ZNF423: variants seen among roughly 807,000 people sequenced by gnomAD.
The protein encoded by ZNF423 is zinc finger protein 423.
Under a neutral mutation model 95.8 loss-of-function variants are expected in ZNF423, and 12 were observed. The observed-to-expected ratio is 0.13, with a 90% CI of 0.08 to 0.20. ZNF423 has a LOEUF of 0.20. Among genes scored for constraint, ZNF423 ranks in the 10% least tolerant of loss-of-function variants. ZNF423 has a pLI of 1.00. For missense variants in ZNF423, 1,316 were observed against 1,737.1 expected, an observed-to-expected ratio of 0.76 and a Z score of 4.31; for synonymous variants, 749 against 711.9, an observed-to-expected ratio of 1.05 and a Z score of -0.83.
intron 3 of ZNF423, among the ~76,000 whole-genome samples, chr16:49,665,805 T>C (rs1357965664): frequency 5.3e-5 from 8 of 152,158 alleles, no homozygotes; most frequent in Non-Finnish European, 1.0e-4. Context: ...TGTTTATTTT[T>C]AAGGGGGGAT....
intron 7 of ZNF423, among the ~76,000 whole-genome samples, 199 bp from the exon 8 acceptor site, chr16:49,491,503 G>A (rs1031630664): frequency 7.0e-6 from 1 of 143,810 alleles, no homozygotes; most frequent in Non-Finnish European, 1.5e-5. Context: ...ATAGGTTCCT[G>A]TTACTGCCAA....
intron 1 of ZNF423, among the ~76,000 whole-genome samples, chr16:49,838,221 G>T (rs1326811686): frequency 6.6e-6 from 1 of 152,164 alleles, no homozygotes; most frequent in Non-Finnish European, 1.5e-5. Context: ...AGCCCACCAC[G>T]CAGGCCTGGG....
chr16:49,690,628 G>A (rs754021447), intron 3 of ZNF423, among the ~76,000 whole-genome samples: 1 of 152,190 alleles, frequency 6.6e-6, no homozygotes, highest in Admixed American at 6.5e-5. Context: ...AAATCCCCTT[G>A]CAGAGAAAGT....
chr16:49,796,435 G>A (rs1480484455), intron 1 of ZNF423, among the ~76,000 whole-genome samples: 2 of 152,234 alleles, frequency 1.3e-5, no homozygotes, highest in East Asian at 1.9e-4. Flanking sequence ...AAGAGATGGA[G>A]CTGGAGAGGG....
At chr16:49,501,943 G>A (rs1967421911) in intron 7 of ZNF423, among the ~76,000 whole-genome samples, 1 of 152,144 alleles carries the variant, frequency 6.6e-6, no homozygotes, top group Non-Finnish European at 1.5e-5. Flanking sequence ...TTCATGACCT[G>A]GGTGATGCAT....
chr16:49,810,776 T>C (rs2034737968), intron 1 of ZNF423, among the ~76,000 whole-genome samples: 1 of 152,238 alleles, frequency 6.6e-6, no homozygotes, highest in Non-Finnish European at 1.5e-5. Flanking sequence ...CCATGGGTAT[T>C]TGAGGGCAGT....
At chr16:49,609,104 C>A (rs1191354564) in intron 5 of ZNF423, among the ~76,000 whole-genome samples, 7 of 152,202 alleles carry the variant, frequency 4.6e-5, no homozygotes, top group Admixed American at 4.6e-4. Flanking sequence ...ATGTGGAGAG[C>A]AGAAATGATG....
In ZNF423 at chr16:49,613,518, C is replaced by T. The variant is rs553854776; in HGVS notation, c.3601+12652G>A. ...CACCAGATGGGCAACATAGTGAGATCCTTCTCCACAAAAATTTAAAAATTA... is the reference window on the plus strand; with the variant it reads ...CACCAGATGGGCAACATAGTGAGATTCTTCTCCACAAAAATTTAAAAATTA... On this transcript the variant is annotated intron_variant, in intron 5 of 7. Coordinates refer to ENST00000563137, the MANE Select transcript of ZNF423 (RefSeq NM_001379286.1). Among the ~76,000 whole-genome samples the T allele has an allele frequency of 4.6e-5, 7 of 152,300 alleles. No homozygotes were observed. The South Asian group carries it at 1.0e-3, about 23-fold the overall frequency.
At chr16:49,801,713 A>G (rs2143902031) in intron 1 of ZNF423, among the ~76,000 whole-genome samples, 1 of 152,376 alleles carries the variant, frequency 6.6e-6, no homozygotes, top group Non-Finnish European at 1.5e-5. Context: ...TGCAAAACCA[A>G]CAAATGACTT....
At chr16:49,511,874 G>A (rs1031530926) in intron 7 of ZNF423, among the ~76,000 whole-genome samples, 7 of 152,174 alleles carry the variant, frequency 4.6e-5, no homozygotes, top group Admixed American at 2.0e-4. Context: ...AACTGTGCTC[G>A]TAACACAGTA....
intron 3 of ZNF423, among the ~76,000 whole-genome samples, chr16:49,702,279 C>T (rs915812676): frequency 9.9e-5 from 15 of 152,142 alleles, no homozygotes; most frequent in Admixed American, 3.3e-4. Flanking sequence ...ACGCTGGAAC[C>T]GGTACCATCC....
At chr16:49,802,764 C>G (rs1356409330) in intron 1 of ZNF423, among the ~76,000 whole-genome samples, 1 of 152,170 alleles carries the variant, frequency 6.6e-6, no homozygotes, top group East Asian at 1.9e-4. Context: ...ACGTCTCTTT[C>G]TTTCTGTAAA....
At chr16:49,691,341 C>T (rs907408341) in intron 3 of ZNF423, among the ~76,000 whole-genome samples, 3 of 152,168 alleles carry the variant, frequency 2.0e-5, no homozygotes, top group Admixed American at 6.5e-5. Context: ...TTGATCAGAC[C>T]GGCATGGGTT....
intron 3 of ZNF423, among the ~76,000 whole-genome samples, chr16:49,705,818 G>C (rs1268761204): frequency 6.6e-6 from 1 of 152,194 alleles, no homozygotes; most frequent in African/African-American, 2.4e-5. Flanking sequence ...AAAGTGCTGG[G>C]ATTACAGGCA....
chr16:49,582,681 G>C (rs150050780), intron 5 of ZNF423, among the ~76,000 whole-genome samples: 240 of 151,822 alleles, frequency 1.6e-3, no homozygotes, highest in African/African-American at 5.7e-3. Context: ...GGAAACTGAG[G>C]GAGGAGTCAA....
chr16:49,584,244 C>T (rs1465728881), intron 5 of ZNF423, among the ~76,000 whole-genome samples: 2 of 152,186 alleles, frequency 1.3e-5, no homozygotes, highest in South Asian at 2.1e-4. Context: ...CAGCCCCCAT[C>T]GTGTCCCTTA....
At chr16:49,645,929 G>A (rs904475747) in intron 3 of ZNF423, among the ~76,000 whole-genome samples, 14 of 152,208 alleles carry the variant, frequency 9.2e-5, no homozygotes, top group South Asian at 4.1e-4. Flanking sequence ...ATGATTGTTA[G>A]TTTCCTGAGG....
At chr16:49,563,232 T>A (rs1415475462) in intron 5 of ZNF423, among the ~76,000 whole-genome samples, 2 of 151,980 alleles carry the variant, frequency 1.3e-5, no homozygotes, top group Non-Finnish European at 1.5e-5. Context: ...CGTGAGTGAG[T>A]TCTTGTTCTG....
chr16:49,517,985 A>C (rs1328523229), intron 7 of ZNF423: 4 of 452,950 alleles, frequency 8.8e-6, no homozygotes, highest in Non-Finnish European at 1.8e-5. Context: ...AACAAGGTAC[A>C]CTTTTTTCTA....
Sources: allele counts gnomAD v4.1 joint callset (sites outside exome capture counted in the v4.1 genomes callset), GRCh38; gene constraint gnomAD v4.1.1; transcripts MANE v1.5; gene names NCBI Gene and HGNC (gene_info 2026-07-23, HGNC 2026-07-21).